The following CHL1 variants were observed in gnomAD, a reference collection of about 807,000 sequenced individuals.
CHL1 encodes the protein cell adhesion molecule L1 like.
A neutral mutation model predicts 141.9 loss-of-function variants in CHL1; 96 were observed. The ratio of observed to expected loss-of-function variants is 0.68; its 90% confidence interval spans 0.57 to 0.80. The LOEUF is 0.80. CHL1 is among the 30% of genes least tolerant of loss of function. The pLI is 0.00. For synonymous variants in CHL1, 613 were observed against 502.2 expected (o/e 1.22, Z -2.95); for missense variants, 1,820 against 1,457.2 (o/e 1.25, Z -4.05).
At chr3:339,015 A>G (rs980015516) in intron 5 of CHL1, among the ~76,000 whole-genome samples, 14 of 152,286 alleles carry the variant, frequency 9.2e-5, no homozygotes, top group African/African-American at 3.1e-4. Context: ...TAGGGACTGT[A>G]TAGTTTGCTT....
intron 16 of CHL1, among the ~76,000 whole-genome samples, chr3:381,724 C>G (rs1707066311): frequency 6.6e-6 from 1 of 152,020 alleles, no homozygotes; most frequent in Non-Finnish European, 1.5e-5. Flanking sequence ...GGATGTGGCT[C>G]CCTTTAGGCC....
At chr3:214,829 A>G (rs1700178805) in intron 1 of CHL1, among the ~76,000 whole-genome samples, 1 of 152,192 alleles carries the variant, frequency 6.6e-6, no homozygotes, top group Admixed American at 6.5e-5. Context: ...GATGTGAAAT[A>G]TTATAACTCT....
intron 1 of CHL1, chr3:213,726 T>C (rs765104017): frequency 6.6e-6 from 1 of 152,106 alleles, no homozygotes; most frequent in African/African-American, 2.4e-5. Flanking sequence ...AGGAAAGAGG[T>C]AGAATTTGGA....
chr3:260,263 C>CAAAT (rs58225264), intron 2 of CHL1, among the ~76,000 whole-genome samples: 9 of 151,462 alleles, frequency 5.9e-5, no homozygotes, highest in South Asian at 2.1e-4. Context: ...AACTCTGTCT[C>CAAAT]AAATAAATAA....
chr3:210,201 A>G (rs2124896537), intron 1 of CHL1, among the ~76,000 whole-genome samples: 1 of 152,374 alleles, frequency 6.6e-6, no homozygotes, highest in Admixed American at 6.5e-5. Flanking sequence ...CAAAGTAACA[A>G]TTTGTGTAAA....
Position 387,367 on chromosome 3 carries a change from C to T in CHL1, c.2248-1885C>T, listed in dbSNP as rs75919932. On this transcript the variant is annotated intron_variant, in intron 19 of 27. Coordinates refer to ENST00000256509, the MANE Select transcript of CHL1 (RefSeq NM_006614.4). ...GTGGCCTCTTCCTGCTTACTCTGCC[C>T]TGGCTCCTTTTGTTCTTTCTTGAAG... Among the ~76,000 whole-genome samples the T allele has an allele frequency of 1.9e-3, 287 of 152,298 alleles. 1 individual carries two copies. The highest frequency in any genetic ancestry group is 6.5e-3 in the African/African-American group (272 of 41,550).
chr3:360,950 C>T (rs1432035158), intron 12 of CHL1, among the ~76,000 whole-genome samples: 3 of 151,484 alleles, frequency 2.0e-5, no homozygotes, highest in African/African-American at 7.3e-5. Context: ...CATAGTATTC[C>T]ATGGTGTATA....
intron 15 of CHL1, 56 bp from the exon 16 acceptor site, chr3:377,761 GT>G: frequency 6.9e-7 from 1 of 1,446,544 alleles, no homozygotes; most frequent in Non-Finnish European, 9.5e-7. Flanking sequence ...AAAGAATTGG[GT>G]TTCTATCATT....
chr3:281,760 A>G lies in CHL1; in HGVS notation c.-95+37068A>G, dbSNP rs902010867. On this transcript the variant is annotated intron_variant, in intron 2 of 27. Coordinates refer to ENST00000256509, the MANE Select transcript of CHL1 (RefSeq NM_006614.4). The stretch of plus-strand genomic sequence containing the variant: ...TTTTTAGTAGAGATGGGGTTTCACC[A>G]TGTTGGCCAGGCTGGTCATGAACTC... Among the ~76,000 whole-genome samples, 4 of 152,026 alleles carry G rather than the reference A, an allele frequency of 2.6e-5. No individual in the cohort carries two copies. The South Asian group carries it at 6.2e-4, about 24-fold the overall frequency.
intron 2 of CHL1, among the ~76,000 whole-genome samples, chr3:265,170 G>T (rs1192520353): frequency 6.6e-6 from 1 of 152,186 alleles, no homozygotes; most frequent in Non-Finnish European, 1.5e-5. Flanking sequence ...GAGGGTTCCA[G>T]AGACAAACTG....
chr3:301,051 T>C (rs188597326), intron 2 of CHL1, among the ~76,000 whole-genome samples: 11 of 152,312 alleles, frequency 7.2e-5, no homozygotes, highest in African/African-American at 1.9e-4. Flanking sequence ...TTTTGATCCA[T>C]GTTCTGAGTA....
At chr3:347,833 G>A (rs1324037786) in intron 9 of CHL1, among the ~76,000 whole-genome samples, 3 of 152,144 alleles carry the variant, frequency 2.0e-5, no homozygotes, top group South Asian at 2.1e-4. Context: ...CTACACAAGC[G>A]TGCCATGTGC....
chr3:391,890 A>C, intron 23 of CHL1, 93 bp downstream of exon 23: 1 of 1,035,078 alleles, frequency 9.7e-7, no homozygotes, highest in South Asian at 1.7e-5. Flanking sequence ...ATGATCACTT[A>C]AGGCCATGGT....
chr3:238,821 T>C (rs1014218582), intron 1 of CHL1, among the ~76,000 whole-genome samples: 2 of 151,354 alleles, frequency 1.3e-5, no homozygotes, highest in African/African-American at 4.9e-5. Context: ...TAATCCCAGC[T>C]ACTCAGGAGG....
intron 2 of CHL1, among the ~76,000 whole-genome samples, chr3:305,092 C>G (rs1699109837): frequency 6.6e-6 from 1 of 152,052 alleles, no homozygotes; most frequent in Non-Finnish European, 1.5e-5. Flanking sequence ...CATCATATCT[C>G]TAGAGTTATA....
At chr3:314,329 G>GTATATATATATA (rs56292297) in intron 2 of CHL1, among the ~76,000 whole-genome samples, 1,333 of 64,866 alleles carry the variant, frequency 0.021, 81 homozygotes, top group Non-Finnish European at 0.03. Context: ...CTCTCTATGT[G>GTATATATATATA]TATATATATA....
rs372545878 is a variant in CHL1, at chr3:363,259, T to C, written c.1461T>C (p.Tyr487=). 2.5e-6 allele frequency: 4 copies of C among 1,613,528 alleles called. No homozygotes were observed. In the African/African-American group the frequency reaches 4.0e-5, roughly 16 times the overall value. The change falls in exon 14 of 28, where the codon TAT becomes TAC. Residue 487 remains tyrosine (Y), a synonymous_variant. Transcript: ENST00000256509. ...EEVKPLEGRR[Y]HIYENGTLQI... Reference sequence around the variant, plus strand: ...TGAAACCCCTGGAGGGCAGGCGGTATCATATCTATGAAAATGGCACATTGC... The same window carrying C: ...TGAAACCCCTGGAGGGCAGGCGGTACCATATCTATGAAAATGGCACATTGC...
intron 2 of CHL1, among the ~76,000 whole-genome samples, chr3:301,089 T>C (rs1698685896): frequency 6.6e-6 from 1 of 152,188 alleles, no homozygotes; most frequent in Non-Finnish European, 1.5e-5. Context: ...GTTTCCATTT[T>C]TTAAAAATAT....
intron 23 of CHL1, among the ~76,000 whole-genome samples, chr3:392,528 G>A (rs796086198): frequency 9.8e-5 from 15 of 152,306 alleles, no homozygotes; most frequent in African/African-American, 2.2e-4. Context: ...TGAAACAGTC[G>A]TCAAGTTTAA....
Sources: gnomAD v4.1 joint callset for allele counts (sites outside exome capture counted in the v4.1 genomes callset) on GRCh38, gnomAD v4.1.1 for gene constraint, MANE v1.5 for transcripts, NCBI Gene and HGNC (gene_info 2026-07-23, HGNC 2026-07-21) for gene names.